Variants in FOXN3 observed in about 807,000 individuals in gnomAD.
The protein encoded by FOXN3 is forkhead box N3.
FOXN3 carries 7 observed loss-of-function variants against 38.4 expected under a neutral mutation model. The observed-to-expected ratio is 0.18, with a 90% CI of 0.10 to 0.34. The LOEUF (loss-of-function observed/expected upper bound fraction) is 0.34. FOXN3 is among the 10% of genes least tolerant of loss of function. The pLI, the probability that FOXN3 is intolerant of heterozygous loss-of-function variation, is 1.00. For missense variants in FOXN3, 456 were observed against 613.4 expected, an observed-to-expected ratio of 0.74 and a Z score of 2.71; for synonymous variants, 230 against 242.2, an observed-to-expected ratio of 0.95 and a Z score of 0.47.
chr14:89,446,936 C>T lies in FOXN3; in HGVS notation c.-14-34446G>A, dbSNP rs146412739. 7.1e-4 allele frequency among the ~76,000 whole-genome samples: 108 copies of T among 152,310 alleles called. 2 individuals carry two copies. The East Asian group carries it at 0.013, about 19-fold the overall frequency. On this transcript the variant is annotated intron_variant, in intron 1 of 6. Coordinates refer to the FOXN3 transcript ENST00000345097. ...CCTGGGCCGGGCACGGTGGCTCATG[C>T]CTGTAATTCCAGCACTTTGGGAGGC... is the stretch of plus-strand genomic sequence containing the variant.
At chr14:89,567,927 T>G (rs1895396977) in intron 1 of FOXN3, among the ~76,000 whole-genome samples, 1 of 151,912 alleles carries the variant, frequency 6.6e-6, no homozygotes, top group Non-Finnish European at 1.5e-5. Flanking sequence ...TTTCACCGTG[T>G]TAGCCAGGAT....
At position 89,412,132 on chromosome 14, in the gene FOXN3, G is replaced by C. The variant is rs889366625; in HGVS notation, c.345C>G (p.Pro115=). 6.2e-7 allele frequency: 1 copy of C among 1,611,820 alleles called. No individual in the cohort carries two copies. Among genetic ancestry groups the C allele is most frequent in the African/African-American group, 1.3e-5 (1 of 74,824 alleles). ...YDARQNPNCK[P]PYSFSCLIFM... The stretch of plus-strand genomic sequence containing the variant: ...ATATGAGGCAGCTGAAGGAGTAGGG[G>C]GGTTTGCAGTTGGGGTTCTGCCTGG... The change falls in exon 2 of 6, where the codon CCC becomes CCG. Residue 115 remains proline (P), a synonymous_variant. Coordinates refer to ENST00000557258, the MANE Select transcript of FOXN3 (RefSeq NM_005197.4). The surrounding 1 kb of genome is among the most constrained non-coding windows in gnomAD (Gnocchi z 4.7).
chr14:89,471,910 A>C (rs965240394), intron 1 of FOXN3, among the ~76,000 whole-genome samples: 2 of 152,214 alleles, frequency 1.3e-5, no homozygotes, highest in East Asian at 1.9e-4. Context: ...AATAAAGATG[A>C]CTTGGAACAG....
At chr14:89,374,582 T>C (rs1483046134) in intron 2 of FOXN3, among the ~76,000 whole-genome samples, 1 of 152,192 alleles carries the variant, frequency 6.6e-6, no homozygotes, top group African/African-American at 2.4e-5. Context: ...AATGGAATAC[T>C]ACTCAACAAT....
chr14:89,238,115 T>C (rs551126816), intron 4 of FOXN3, among the ~76,000 whole-genome samples: 12 of 152,342 alleles, frequency 7.9e-5, no homozygotes, highest in South Asian at 4.1e-4. Context: ...CTTTAGTCTT[T>C]AGTCTTTTCC....
intron 1 of FOXN3, among the ~76,000 whole-genome samples, chr14:89,468,243 CAA>C (rs1299465345): frequency 1.3e-5 from 2 of 151,938 alleles, no homozygotes; most frequent in East Asian, 3.9e-4. Context: ...CACCTGACGT[CAA>C]GAGTTCAAGA....
chr14:89,537,999 AG>A (rs1270058817), intron 1 of FOXN3, among the ~76,000 whole-genome samples: 1 of 152,208 alleles, frequency 6.6e-6, no homozygotes, highest in Non-Finnish European at 1.5e-5. Flanking sequence ...CTTTCTTCTG[AG>A]GCTTTCAATT....
chr14:89,318,160 C>CTTTTT (rs200125351), intron 3 of FOXN3, among the ~76,000 whole-genome samples: 1 of 65,148 alleles, frequency 1.5e-5, no homozygotes, highest in African/African-American at 7.5e-5. Context: ...TCTTCTTCTT[C>CTTTTT]TCTTTTTTTT....
intron 4 of FOXN3, among the ~76,000 whole-genome samples, chr14:89,261,292 T>C (rs539636788): frequency 2.6e-5 from 4 of 152,322 alleles, no homozygotes; most frequent in Admixed American, 1.3e-4. Flanking sequence ...TCTATCACTG[T>C]GGGTCTGACT....
intron 4 of FOXN3, among the ~76,000 whole-genome samples, chr14:89,215,790 CTGCGTCTGGCGGCG>C (rs1884260720): frequency 1.3e-5 from 2 of 152,150 alleles, no homozygotes; most frequent in South Asian, 4.1e-4. Context: ...AGCAACATTC[CTGCGTCTGGCGGCG>C]GCGGCAAGAC....
chr14:89,335,309 C>G (rs1888416410), intron 3 of FOXN3, among the ~76,000 whole-genome samples: 1 of 152,160 alleles, frequency 6.6e-6, no homozygotes, highest in African/African-American at 2.4e-5. Context: ...TGTAAAACAA[C>G]TCAGTGGTCC....
At chr14:89,245,651 T>C (rs1885271520) in intron 4 of FOXN3, among the ~76,000 whole-genome samples, 1 of 152,174 alleles carries the variant, frequency 6.6e-6, no homozygotes, top group Non-Finnish European at 1.5e-5. Context: ...GACCAGCATT[T>C]GGAAAAGTGG....
chr14:89,375,873 C>CT (rs897172704), intron 2 of FOXN3, among the ~76,000 whole-genome samples: 3 of 151,956 alleles, frequency 2.0e-5, no homozygotes, highest in African/African-American at 7.3e-5. Flanking sequence ...CCCAGCCCCC[C>CT]AGATTCAAGC....
At chr14:89,283,016 T>G (rs1263229213) in intron 3 of FOXN3, among the ~76,000 whole-genome samples, 1 of 152,208 alleles carries the variant, frequency 6.6e-6, no homozygotes, top group Non-Finnish European at 1.5e-5. Context: ...GAGAGAGACT[T>G]GGACTGGCCA....
chr14:89,465,275 G>A (rs969662575), intron 1 of FOXN3, among the ~76,000 whole-genome samples: 6 of 152,176 alleles, frequency 3.9e-5, no homozygotes, highest in Middle Eastern at 3.4e-3. Context: ...CTGTTGCCAG[G>A]CTGGAGTGCA....
intron 1 of FOXN3, among the ~76,000 whole-genome samples, chr14:89,563,306 A>G (rs1566701172): frequency 6.6e-6 from 1 of 152,226 alleles, no homozygotes; most frequent in Non-Finnish European, 1.5e-5. Flanking sequence ...AGTACTTCTC[A>G]TAGATAAGTT....
chr14:89,316,190 C>T (rs1887713856), intron 3 of FOXN3, among the ~76,000 whole-genome samples: 1 of 152,144 alleles, frequency 6.6e-6, no homozygotes, highest in Non-Finnish European at 1.5e-5. Flanking sequence ...ACCCTTCTGC[C>T]ATCAAGTGAA....
chr14:89,327,029 T>C (rs921378835), intron 3 of FOXN3, among the ~76,000 whole-genome samples: 1 of 152,062 alleles, frequency 6.6e-6, no homozygotes, highest in African/African-American at 2.4e-5. Flanking sequence ...TTGCTGGTGA[T>C]TAGATGCAAT....
At chr14:89,358,214 T>G (rs576161217) in intron 2 of FOXN3, among the ~76,000 whole-genome samples, 1 of 152,300 alleles carries the variant, frequency 6.6e-6, no homozygotes, top group African/African-American at 2.4e-5. Flanking sequence ...TGGGCTTCAG[T>G]AAGACCTTAT....
Sources: gnomAD v4.1 joint callset for allele counts (sites outside exome capture counted in the v4.1 genomes callset) on GRCh38, gnomAD v4.1.1 for gene constraint, Gnocchi (gnomAD v3.1) non-coding constraint, MANE v1.5 for transcripts, NCBI Gene and HGNC (gene_info 2026-07-23, HGNC 2026-07-21) for gene names.